Variants in PSD3 observed in about 807,000 individuals in gnomAD.
PSD3 encodes the protein PH and SEC7 domain-containing protein 3.
Under a neutral mutation model 105.5 loss-of-function variants are expected in PSD3, and 49 were observed. That is an observed-to-expected ratio of 0.46 (90% CI 0.37 to 0.59). The LOEUF is 0.59. Among genes scored for constraint, PSD3 ranks in the 20% least tolerant of loss-of-function variants. PSD3 has a pLI of 0.00. For missense variants in PSD3, 1,561 were observed against 1,263.8 expected (o/e 1.24, Z -3.57); for synonymous variants, 557 against 457.8 (o/e 1.22, Z -2.77).
At chr8:18,936,434 A>T (rs17127469) in intron 1 of PSD3, among the ~76,000 whole-genome samples, 14,472 of 152,128 alleles carry the variant, frequency 0.095, 1,656 homozygotes, top group African/African-American at 0.26. Context: ...GTCGGTTTTT[A>T]AAAAATTAAC....
chr8:19,082,633 T>G (rs1178290214), intron 1 of PSD3, among the ~76,000 whole-genome samples: 4 of 152,184 alleles, frequency 2.6e-5, no homozygotes, highest in Admixed American at 6.5e-5. Flanking sequence ...ATTCCCAAAG[T>G]GCCTCTTCCC....
At chr8:18,803,550 G>A (rs576915285) in intron 6 of PSD3, among the ~76,000 whole-genome samples, 11 of 152,090 alleles carry the variant, frequency 7.2e-5, no homozygotes, top group Non-Finnish European at 1.0e-4. Flanking sequence ...CAACCCAAGC[G>A]TGTCCTGAAG....
intron 10 of PSD3, among the ~76,000 whole-genome samples, chr8:18,653,275 A>T (rs564094848): frequency 2.0e-5 from 3 of 152,162 alleles, no homozygotes; most frequent in African/African-American, 7.2e-5. Context: ...AAATTATACG[A>T]TAACCACTAT....
chr8:18,879,640 G>T (rs535650397), intron 2 of PSD3, among the ~76,000 whole-genome samples: 3 of 152,220 alleles, frequency 2.0e-5, no homozygotes, highest in South Asian at 4.1e-4. Flanking sequence ...CCCAGCTGGG[G>T]TGCAGTGGCA....
chr8:18,577,606 GTTC>G (rs1336551332), intron 12 of PSD3, among the ~76,000 whole-genome samples: 1 of 27,510 alleles, frequency 3.6e-5, no homozygotes, highest in African/African-American at 7.6e-5. Context: ...TACTTAAAAT[GTTC>G]TTCTTTATCC....
intron 2 of PSD3, among the ~76,000 whole-genome samples, chr8:18,931,162 G>A (rs1821726000): frequency 6.6e-6 from 1 of 151,530 alleles, no homozygotes; most frequent in Non-Finnish European, 1.5e-5. Flanking sequence ...TTGTCATTGA[G>A]ATGTAAGAGC....
chr8:19,052,150 G>A (rs1828550604), intron 1 of PSD3, among the ~76,000 whole-genome samples: 1 of 152,164 alleles, frequency 6.6e-6, no homozygotes. Context: ...AAGCCACTGT[G>A]GTGAGAAAGT....
intron 9 of PSD3, among the ~76,000 whole-genome samples, chr8:18,725,203 C>T (rs187191620): frequency 2.7e-4 from 41 of 152,236 alleles, no homozygotes; most frequent in African/African-American, 8.2e-4. Context: ...TTAGGTCTAA[C>T]GCGACGCAAG....
Position 18,575,007 on chromosome 8 carries a change from A to G in PSD3, c.2639+121T>C, listed in dbSNP as rs967366229. On this transcript the variant is annotated intron_variant, in intron 13 of 15. Coordinates refer to ENST00000327040, the MANE Select transcript of PSD3 (RefSeq NM_015310.4). ...AGGCAGTTATTTCTCTAATGTAAGC[A>G]GTTGATGACTTTGATTCCAACTCAA... 4.2e-6 allele frequency: 4 copies of G among 948,414 alleles called. No individual in the cohort carries two copies. The African/African-American group carries it at 6.8e-5, about 16-fold the overall frequency. 58.7% of individuals were successfully genotyped at this position (948,414 alleles called of 1,614,324 possible).
At chr8:19,007,366 G>A (rs1379985500) in intron 1 of PSD3, among the ~76,000 whole-genome samples, 1 of 152,082 alleles carries the variant, frequency 6.6e-6, no homozygotes, top group Non-Finnish European at 1.5e-5. Flanking sequence ...CTAGCGGCCT[G>A]AAGCTATTTA....
At chr8:19,026,170 A>T (rs1827543602) in intron 1 of PSD3, among the ~76,000 whole-genome samples, 1 of 152,142 alleles carries the variant, frequency 6.6e-6, no homozygotes, top group Admixed American at 6.5e-5. Context: ...CTCCCACAAA[A>T]TATGGGAATT....
intron 8 of PSD3, among the ~76,000 whole-genome samples, chr8:18,775,654 C>A (rs1022267783): frequency 2.0e-5 from 3 of 152,142 alleles, no homozygotes; most frequent in Non-Finnish European, 2.9e-5. Context: ...CCTATTCAAT[C>A]AAAAATTTTG....
At chr8:18,835,941 G>C (rs1452359077) in intron 4 of PSD3, among the ~76,000 whole-genome samples, 1 of 152,092 alleles carries the variant, frequency 6.6e-6, no homozygotes, top group Non-Finnish European at 1.5e-5. Context: ...TTGACTCTGA[G>C]ATAAGTCAAC....
intron 8 of PSD3, among the ~76,000 whole-genome samples, chr8:18,779,262 A>C (rs755144634): frequency 2.6e-5 from 4 of 152,088 alleles, no homozygotes; most frequent in Non-Finnish European, 5.9e-5. Flanking sequence ...AGTCTCTAAC[A>C]ATCTTCTATT....
intron 14 of PSD3, among the ~76,000 whole-genome samples, chr8:18,563,504 T>G (rs1801531943): frequency 6.6e-6 from 1 of 151,894 alleles, no homozygotes; most frequent in Admixed American, 6.6e-5. Context: ...CAAAACGAAG[T>G]GGTACAGAAT....
intron 9 of PSD3, among the ~76,000 whole-genome samples, chr8:18,671,900 G>A (rs1489180573): frequency 6.6e-6 from 1 of 152,096 alleles, no homozygotes; most frequent in East Asian, 1.9e-4. Flanking sequence ...CAAAGTGCTG[G>A]AATTACAGGC....
intron 10 of PSD3, among the ~76,000 whole-genome samples, chr8:18,640,004 C>T (rs1418855267): frequency 2.0e-5 from 3 of 152,100 alleles, no homozygotes; most frequent in Non-Finnish European, 4.4e-5. Context: ...AAATACAAGC[C>T]ATGCAAAGCC....
At chr8:18,824,293 C>T (rs530071043) in intron 4 of PSD3, among the ~76,000 whole-genome samples, 11 of 152,302 alleles carry the variant, frequency 7.2e-5, no homozygotes, top group African/African-American at 2.6e-4. Context: ...CCTAGAGTAC[C>T]TTCCACAGTA....
chr8:18,657,906 C>G (rs1038607), intron 9 of PSD3, among the ~76,000 whole-genome samples: 56,294 of 151,588 alleles, frequency 0.37, 10,599 homozygotes, highest in South Asian at 0.51. Context: ...GTTTAAATGA[C>G]CGCTAAACAG....
Sources: gnomAD v4.1 joint callset for allele counts (sites outside exome capture counted in the v4.1 genomes callset) on GRCh38, gnomAD v4.1.1 for gene constraint, MANE v1.5 for transcripts, NCBI Gene and HGNC (gene_info 2026-07-23, HGNC 2026-07-21) for gene names.